Variants in PCDH9 observed in about 807,000 individuals in gnomAD.
PCDH9 encodes protocadherin-9.
PCDH9 carries 24 observed loss-of-function variants against 70.6 expected under a neutral mutation model. That is an observed-to-expected ratio of 0.34 (90% CI 0.25 to 0.48). The LOEUF (loss-of-function observed/expected upper bound fraction) is 0.48, where lower values mean the gene tolerates loss of function less well. Among genes scored for constraint, PCDH9 ranks in the 20% least tolerant of loss-of-function variants. The pLI, the probability that PCDH9 is intolerant of heterozygous loss-of-function variation, is 0.99. For synonymous variants in PCDH9, 562 were observed against 558.5 expected, an observed-to-expected ratio of 1.01 and a Z score of -0.09; for missense variants, 1,281 against 1,503.6, an observed-to-expected ratio of 0.85 and a Z score of 2.45.
intron 2 of PCDH9, among the ~76,000 whole-genome samples, chr13:67,040,234 C>G (rs1167563230): frequency 2.0e-5 from 3 of 152,014 alleles, no homozygotes; most frequent in Non-Finnish European, 4.4e-5. Context: ...CCCAGTGTGA[C>G]GTTATTCAGA....
At chr13:67,122,237 C>G (rs568865278) in intron 2 of PCDH9, among the ~76,000 whole-genome samples, 2 of 152,118 alleles carry the variant, frequency 1.3e-5, no homozygotes, top group South Asian at 4.2e-4. Context: ...AAATATAAAT[C>G]GTTCATTGTA....
chr13:67,200,666 C>A (rs900491188), intron 2 of PCDH9, among the ~76,000 whole-genome samples: 1 of 152,068 alleles, frequency 6.6e-6, no homozygotes, highest in Non-Finnish European at 1.5e-5. Flanking sequence ...TATATTTTCT[C>A]CACGTCACCT....
chr13:67,136,022 C>T (rs1004486637), intron 2 of PCDH9, among the ~76,000 whole-genome samples: 1 of 152,142 alleles, frequency 6.6e-6, no homozygotes, highest in African/African-American at 2.4e-5. Flanking sequence ...ATTTTCAGTA[C>T]AGCCATATGC....
chr13:66,418,245 A>C (rs1424568229), intron 4 of PCDH9, among the ~76,000 whole-genome samples: 1 of 152,216 alleles, frequency 6.6e-6, no homozygotes, highest in East Asian at 1.9e-4. Context: ...TTTTCCAAAC[A>C]CCATTTATAA....
chr13:66,513,108 G>A (rs953444398), intron 4 of PCDH9, among the ~76,000 whole-genome samples: 7 of 151,474 alleles, frequency 4.6e-5, no homozygotes, highest in African/African-American at 1.2e-4. Flanking sequence ...GTGACCCACC[G>A]TACCAGACCA....
chr13:66,844,060 G>T (rs1477738149), intron 3 of PCDH9, among the ~76,000 whole-genome samples: 1 of 151,942 alleles, frequency 6.6e-6, no homozygotes, highest in Admixed American at 6.6e-5. Context: ...TGAAAAATGG[G>T]GAGTGAGTAG....
chr13:66,588,216 C>A (rs976515761), intron 4 of PCDH9, among the ~76,000 whole-genome samples: 2 of 151,332 alleles, frequency 1.3e-5, no homozygotes, highest in African/African-American at 4.9e-5. Flanking sequence ...ACGGAGATAC[C>A]CCCTGATGGT....
At chr13:66,843,712 C>T (rs1050732283) in intron 3 of PCDH9, among the ~76,000 whole-genome samples, 5 of 152,198 alleles carry the variant, frequency 3.3e-5, no homozygotes, top group Admixed American at 2.0e-4. Context: ...GAGAAGACTG[C>T]ATGCTGAGAA....
chr13:66,333,895 G>A (rs1310667316), intron 4 of PCDH9, among the ~76,000 whole-genome samples: 1 of 151,898 alleles, frequency 6.6e-6, no homozygotes. Context: ...GTATTTTTCA[G>A]ATGAAATTAA....
intron 4 of PCDH9, among the ~76,000 whole-genome samples, chr13:66,555,624 G>C (rs1223728016): frequency 1.3e-5 from 2 of 150,220 alleles, no homozygotes; most frequent in African/African-American, 4.9e-5. Flanking sequence ...AAAACTGGTA[G>C]ATCACTGAGG....
At chr13:66,873,825 T>C (rs2081743169) in intron 3 of PCDH9, among the ~76,000 whole-genome samples, 2 of 152,026 alleles carry the variant, frequency 1.3e-5, no homozygotes, top group South Asian at 4.1e-4. Flanking sequence ...GAAAATTTGG[T>C]GCCCAGAATT....
chr13:67,175,807 G>A (rs2138462548), intron 2 of PCDH9, among the ~76,000 whole-genome samples: 1 of 152,178 alleles, frequency 6.6e-6, no homozygotes, highest in East Asian at 1.9e-4. Flanking sequence ...GTTCTAAAGA[G>A]AATTATGATC....
chr13:67,109,887 G>A (rs2086620997), intron 2 of PCDH9, among the ~76,000 whole-genome samples: 1 of 152,020 alleles, frequency 6.6e-6, no homozygotes, highest in Admixed American at 6.6e-5. Flanking sequence ...CTGGGCAAAG[G>A]AAAATATACC....
intron 3 of PCDH9, among the ~76,000 whole-genome samples, chr13:66,857,672 AT>A (rs906405024): frequency 2.0e-5 from 3 of 152,010 alleles, no homozygotes; most frequent in African/African-American, 7.2e-5. Context: ...ATATTCATAT[AT>A]TTTTTTTCTA....
chr13:66,307,532 T>C (rs928014429), intron 4 of PCDH9, among the ~76,000 whole-genome samples: 2 of 152,124 alleles, frequency 1.3e-5, no homozygotes, highest in Non-Finnish European at 2.9e-5. Flanking sequence ...CTGTTAAATA[T>C]ATTTACTCCT....
At chr13:66,874,254 C>A (rs1232623292) in intron 3 of PCDH9, among the ~76,000 whole-genome samples, 1 of 152,110 alleles carries the variant, frequency 6.6e-6, no homozygotes, top group African/African-American at 2.4e-5. Flanking sequence ...ACAAACTCAG[C>A]CCTGCAAATC....
chr13:67,211,695 G>T (rs1168434368), intron 2 of PCDH9: 1 of 151,964 alleles, frequency 6.6e-6, no homozygotes, highest in Non-Finnish European at 1.5e-5. Flanking sequence ...TAAAATAAAG[G>T]TCTCTTGTTT....
chr13:66,816,386 C>T (rs545666441), intron 3 of PCDH9, among the ~76,000 whole-genome samples: 3 of 152,036 alleles, frequency 2.0e-5, no homozygotes, highest in Non-Finnish European at 4.4e-5. Flanking sequence ...TAATATAGCC[C>T]AGGTAGAACC....
chr13:66,828,810 A>AAAAAAAAAAAAAAAAAAT (rs71207607), intron 3 of PCDH9, among the ~76,000 whole-genome samples: 6 of 148,664 alleles, frequency 4.0e-5, no homozygotes, highest in African/African-American at 1.5e-4. Flanking sequence ...GCCATACATA[A>AAAAAAAAAAAAAAAAAAT]AATAATAATA....
Sources: allele counts gnomAD v4.1 joint callset (sites outside exome capture counted in the v4.1 genomes callset), GRCh38; gene constraint gnomAD v4.1.1; transcripts MANE v1.5; gene names NCBI Gene and HGNC (gene_info 2026-07-23, HGNC 2026-07-21).